Variants in CHD7 observed in about 807,000 individuals in gnomAD.
CHD7 encodes chromodomain helicase DNA binding protein 7.
In CHD7, 24 loss-of-function variants were observed where a neutral mutation model predicts 307.3. The observed-to-expected ratio is 0.08, with a 90% CI of 0.06 to 0.11. The LOEUF (loss-of-function observed/expected upper bound fraction) is 0.11, where lower values mean the gene tolerates loss of function less well. Ranked by LOEUF, CHD7 falls within the 10% of genes least tolerant of loss-of-function variation. The probability of loss-of-function intolerance (pLI) is 1.00; values close to 1 mark genes in which losing one functional copy is unlikely to be tolerated. For synonymous variants in CHD7, 1,363 were observed against 1,349.9 expected (o/e 1.01, Z -0.21); for missense variants, 3,106 against 3,727.1 (o/e 0.83, Z 4.34).
chr8:60,819,033 A>G (rs1361671959), intron 8 of CHD7, among the ~76,000 whole-genome samples: 1 of 152,062 alleles, frequency 6.6e-6, no homozygotes, highest in Non-Finnish European at 1.5e-5. Flanking sequence ...GGCTCACTGC[A>G]ACCTCCGCCT....
At chr8:60,730,908 A>G (rs988024417) in intron 1 of CHD7, among the ~76,000 whole-genome samples, 50 of 152,180 alleles carry the variant, frequency 3.3e-4, no homozygotes, top group African/African-American at 1.2e-3. Flanking sequence ...AATAACTCCT[A>G]AGTTTTTAAT....
chr8:60,793,636 A>G (rs1811880179), intron 3 of CHD7, among the ~76,000 whole-genome samples: 1 of 152,196 alleles, frequency 6.6e-6, no homozygotes, highest in Non-Finnish European at 1.5e-5. Context: ...TGTTTAATGC[A>G]TTCTGTCAGC....
chr8:60,816,113 G>GTCTGTCTGTC (rs58405811), intron 7 of CHD7, among the ~76,000 whole-genome samples: 2,065 of 139,270 alleles, frequency 0.015, 35 homozygotes, highest in African/African-American at 0.041. Context: ...CTGTCTGTCT[G>GTCTGTCTGTC]TCTCTCTCTC....
intron 8 of CHD7, among the ~76,000 whole-genome samples, chr8:60,819,206 G>A (rs1199858154): frequency 1.3e-5 from 2 of 151,954 alleles, no homozygotes; most frequent in African/African-American, 4.8e-5. Context: ...GCCTGCCTTG[G>A]CCTCCCAAAG....
chr8:60,713,265 C>T (rs1807378995), intron 1 of CHD7, among the ~76,000 whole-genome samples: 1 of 151,970 alleles, frequency 6.6e-6, no homozygotes, highest in Non-Finnish European at 1.5e-5. Context: ...GCGTGCGCCA[C>T]CACGCTTGGC....
chr8:60,767,731 G>A (rs1586294778), intron 2 of CHD7, among the ~76,000 whole-genome samples: 1 of 152,182 alleles, frequency 6.6e-6, no homozygotes, highest in African/African-American at 2.4e-5. Context: ...GTGACTGCTG[G>A]TTCTTGTCCT....
chr8:60,747,666 G>A (rs1281199120), intron 2 of CHD7, among the ~76,000 whole-genome samples: 1 of 152,200 alleles, frequency 6.6e-6, no homozygotes. Context: ...GGATCATGTA[G>A]AAATAGTTCT....
chr8:60,801,030 CT>C (rs1812285761), intron 5 of CHD7, among the ~76,000 whole-genome samples: 1 of 152,080 alleles, frequency 6.6e-6, no homozygotes, highest in Admixed American at 6.5e-5. Flanking sequence ...AAGATCTTTT[CT>C]AAAAAAATAA....
At chr8:60,831,759 C>T (rs1279115058) in intron 15 of CHD7, among the ~76,000 whole-genome samples, 1 of 152,100 alleles carries the variant, frequency 6.6e-6, no homozygotes, top group Non-Finnish European at 1.5e-5. Flanking sequence ...AGTTGGCCAG[C>T]AGTGCAATTA....
intron 2 of CHD7, among the ~76,000 whole-genome samples, chr8:60,748,710 G>A (rs532369491): frequency 3.9e-4 from 59 of 152,258 alleles, no homozygotes; most frequent in Non-Finnish European, 7.2e-4. Flanking sequence ...GTCCATAGAC[G>A]TGTCCCAGAT....
At chr8:60,752,830 C>A (rs1809703160) in intron 2 of CHD7, among the ~76,000 whole-genome samples, 1 of 152,156 alleles carries the variant, frequency 6.6e-6, no homozygotes, top group African/African-American at 2.4e-5. Flanking sequence ...AGTTTAACCA[C>A]TTTGGAGTGT....
At chr8:60,823,708 A>C (rs1274339853) in intron 12 of CHD7, 132 bp from the exon 13 acceptor site, 2 of 768,224 alleles carry the variant, frequency 2.6e-6, no homozygotes, top group Non-Finnish European at 4.2e-6. Flanking sequence ...TAACTTGAAA[A>C]CAGAATGTAT....
At chr8:60,757,407 T>TA (rs1296734686) in intron 2 of CHD7, among the ~76,000 whole-genome samples, 1 of 152,126 alleles carries the variant, frequency 6.6e-6, no homozygotes, top group Non-Finnish European at 1.5e-5. Context: ...AAGAGAATTT[T>TA]AAAAAAAATT....
At chr8:60,844,570 CA>C (rs911748318) in intron 21 of CHD7, among the ~76,000 whole-genome samples, 1 of 152,302 alleles carries the variant, frequency 6.6e-6, no homozygotes, top group African/African-American at 2.4e-5. Context: ...CGGATGCACT[CA>C]TGTCCTGAAA....
chr8:60,746,237 A>AT (rs1809319878), intron 2 of CHD7, among the ~76,000 whole-genome samples: 1 of 152,154 alleles, frequency 6.6e-6, no homozygotes, highest in Non-Finnish European at 1.5e-5. Flanking sequence ...TTTCACCAAA[A>AT]TTAACTTTAT....
At chr8:60,751,961 C>T (rs1426086898) in intron 2 of CHD7, among the ~76,000 whole-genome samples, 1 of 152,144 alleles carries the variant, frequency 6.6e-6, no homozygotes, top group Admixed American at 6.5e-5. Context: ...CAAGGCACTT[C>T]CTTACCTCTT....
Position 60,786,848 on chromosome 8 carries a change from G to T in CHD7, c.2096+5418G>T, listed in dbSNP as rs144813734. ...ATGCAGTTTGCACCTGATATGTAAA[G>T]ATCTTTATGTTAGTTGTCTTCTGCG... is the stretch of plus-strand genomic sequence containing the variant. On this transcript the variant is annotated intron_variant, in intron 3 of 37. Transcript: ENST00000423902. Among the ~76,000 whole-genome samples, 5 of 152,278 alleles carry T rather than the reference G, an allele frequency of 3.3e-5. No individual in the cohort carries two copies. The East Asian group carries it at 9.7e-4, about 29-fold the overall frequency.
chr8:60,837,562 C>T, intron 17 of CHD7, 106 bp from the exon 18 acceptor site: 1 of 1,037,450 alleles, frequency 9.6e-7, no homozygotes, highest in Non-Finnish European at 1.4e-6. Flanking sequence ...AAGGCGCCAC[C>T]TCCAAATACC....
At chr8:60,782,502 A>G (rs571927976) in intron 3 of CHD7, among the ~76,000 whole-genome samples, 1 of 152,222 alleles carries the variant, frequency 6.6e-6, no homozygotes, top group Non-Finnish European at 1.5e-5. Flanking sequence ...ATACATTATT[A>G]TGTGATGTTT....
Sources: allele counts gnomAD v4.1 joint callset (sites outside exome capture counted in the v4.1 genomes callset), GRCh38; gene constraint gnomAD v4.1.1; transcripts MANE v1.5; gene names NCBI Gene and HGNC (gene_info 2026-07-23, HGNC 2026-07-21).